Variants in DPP8 observed in about 807,000 individuals in gnomAD.
DPP8 encodes dipeptidyl peptidase 8.
DPP8 carries 31 observed loss-of-function variants against 107.5 expected under a neutral mutation model. That is an observed-to-expected ratio of 0.29 (90% CI 0.22 to 0.39). DPP8 has a LOEUF of 0.39. DPP8 is among the 10% of genes least tolerant of loss of function. DPP8 has a pLI of 1.00. For missense variants in DPP8, 842 were observed against 1,076.1 expected (o/e 0.78, Z 3.04); for synonymous variants, 381 against 356.6 (o/e 1.07, Z -0.77).
At chr15:65,500,876 T>A in intron 3 of DPP8, 97 bp from the exon 4 acceptor site, 2 of 600,040 alleles carry the variant, frequency 3.3e-6, no homozygotes, top group Non-Finnish European at 5.0e-6. Context: ...ATTGACTCTT[T>A]TTTTTTTTTT....
intron 1 of DPP8, 151 bp from the exon 2 acceptor site, chr15:65,512,715 C>G: frequency 1.4e-6 from 1 of 702,690 alleles, no homozygotes; most frequent in Non-Finnish European, 2.4e-6. Flanking sequence ...GTAAGAAAAG[C>G]AACAGCTCTC....
intron 3 of DPP8, among the ~76,000 whole-genome samples, chr15:65,504,901 G>A (rs1332671790): frequency 6.6e-6 from 1 of 151,434 alleles, no homozygotes; most frequent in Non-Finnish European, 1.5e-5. Context: ...GATTGCCTGA[G>A]CTCAGGAAGT....
At chr15:65,515,675 C>G in intron 1 of DPP8, 7 of 1,613,996 alleles carry the variant, frequency 4.3e-6, no homozygotes, top group Non-Finnish European at 5.9e-6. Flanking sequence ...TTTTCATCTG[C>G]TCAGATCTCT....
At chr15:65,509,388 CATA>C (rs2070471875) in intron 2 of DPP8, among the ~76,000 whole-genome samples, 1 of 152,192 alleles carries the variant, frequency 6.6e-6, no homozygotes, top group African/African-American at 2.4e-5. Context: ...CTCCTAGTTC[CATA>C]ATGTCTGCCT....
intron 12 of DPP8, among the ~76,000 whole-genome samples, chr15:65,470,970 G>GT (rs2065842835): frequency 6.6e-6 from 1 of 150,958 alleles, no homozygotes; most frequent in East Asian, 1.9e-4. Context: ...ACAGACTAAC[G>GT]TATCACAAGT....
intron 5 of DPP8, among the ~76,000 whole-genome samples, chr15:65,490,769 T>C (rs994802516): frequency 6.6e-6 from 1 of 152,154 alleles, no homozygotes. Flanking sequence ...TCTCATTCAG[T>C]TGGAGCAGCT....
intron 15 of DPP8, chr15:65,458,515 C>T (rs2064634848): frequency 6.6e-6 from 1 of 152,178 alleles, no homozygotes; most frequent in Non-Finnish European, 1.5e-5. Context: ...CCCACCTCAG[C>T]CTCCCAAAGT....
At chr15:65,491,468 T>C (rs1344964174) in intron 5 of DPP8, among the ~76,000 whole-genome samples, 1 of 152,178 alleles carries the variant, frequency 6.6e-6, no homozygotes, top group Non-Finnish European at 1.5e-5. Flanking sequence ...TCCTTCCCAG[T>C]CAAGGCCCAG....
intron 19 of DPP8, among the ~76,000 whole-genome samples, chr15:65,449,893 ATTTT>A (rs2063839752): frequency 6.6e-6 from 1 of 152,040 alleles, no homozygotes; most frequent in Admixed American, 6.6e-5. Flanking sequence ...TCAGTAAATT[ATTTT>A]TTGTTTTGGA....
chr15:65,484,094 CG>C (rs1285564151), intron 8 of DPP8, among the ~76,000 whole-genome samples: 1 of 151,888 alleles, frequency 6.6e-6, no homozygotes, highest in Non-Finnish European at 1.5e-5. Flanking sequence ...TTTGGAAGGC[CG>C]AGGTGGGCAG....
chr15:65,491,308 A>C (rs1239289296), intron 5 of DPP8, among the ~76,000 whole-genome samples: 1 of 152,210 alleles, frequency 6.6e-6, no homozygotes, highest in African/African-American at 2.4e-5. Flanking sequence ...ATAAACTGAA[A>C]TATGGTTATC....
chr15:65,496,916 G>T (rs974887298), intron 5 of DPP8, among the ~76,000 whole-genome samples: 2 of 151,982 alleles, frequency 1.3e-5, no homozygotes, highest in African/African-American at 4.8e-5. Flanking sequence ...TTGAGACAGG[G>T]TCTTGCTCTC....
At chr15:65,464,338 G>A (rs2065163602) in intron 14 of DPP8, among the ~76,000 whole-genome samples, 1 of 151,594 alleles carries the variant, frequency 6.6e-6, no homozygotes, top group Non-Finnish European at 1.5e-5. Flanking sequence ...ACTCCAGCCT[G>A]GGTGACAGAG....
At chr15:65,466,897 A>G in intron 13 of DPP8, 84 bp from the exon 14 acceptor site, 1 of 1,443,948 alleles carries the variant, frequency 6.9e-7, no homozygotes, top group Non-Finnish European at 9.5e-7. Context: ...ATGATATAGC[A>G]AGAGTATTAT....
At chr15:65,468,057 A>C (rs1381911637) in intron 12 of DPP8, among the ~76,000 whole-genome samples, 1 of 152,212 alleles carries the variant, frequency 6.6e-6, no homozygotes, top group Non-Finnish European at 1.5e-5. Flanking sequence ...AGATCTTTTA[A>C]GTCTTCATTC....
intron 11 of DPP8, among the ~76,000 whole-genome samples, chr15:65,477,967 C>T (rs1484520431): frequency 1.3e-5 from 2 of 152,120 alleles, no homozygotes; most frequent in Non-Finnish European, 1.5e-5. Flanking sequence ...AACTGTAACT[C>T]GGTTTTAGGA....
intron 19 of DPP8, 86 bp downstream of exon 19, chr15:65,450,913 C>A: frequency 1.2e-6 from 1 of 836,930 alleles, no homozygotes; most frequent in Non-Finnish European, 2.0e-6. Context: ...CTCTAAAAAT[C>A]TGGACTTACC....
At chr15:65,487,639 T>A in intron 7 of DPP8, 51 bp downstream of exon 7, 2 of 1,560,908 alleles carry the variant, frequency 1.3e-6, no homozygotes, top group Non-Finnish European at 1.7e-6. Flanking sequence ...AGAAAGAATC[T>A]TATTTGGAAA....
At chr15:65,467,032 T>C in intron 13 of DPP8, 39 bp downstream of exon 13, 1 of 1,609,946 alleles carries the variant, frequency 6.2e-7, no homozygotes, top group Non-Finnish European at 8.5e-7. Context: ...GCAGAGAGTT[T>C]TAATATGACA....
Sources: gnomAD v4.1 joint callset for allele counts (sites outside exome capture counted in the v4.1 genomes callset) on GRCh38, gnomAD v4.1.1 for gene constraint, MANE v1.5 for transcripts, NCBI Gene and HGNC (gene_info 2026-07-23, HGNC 2026-07-21) for gene names.